The following TPST2 variants were observed in gnomAD, a reference collection of about 807,000 sequenced individuals.
TPST2 encodes the protein tyrosylprotein sulfotransferase 2.
Under a neutral mutation model 27.8 loss-of-function variants are expected in TPST2, and 16 were observed. The observed-to-expected ratio is 0.58, with a 90% confidence interval of 0.39 to 0.88. The LOEUF (loss-of-function observed/expected upper bound fraction) is 0.88. Ranked by LOEUF, TPST2 falls within the 40% of genes least tolerant of loss-of-function variation. The probability of loss-of-function intolerance (pLI) is 0.00; values close to 1 mark genes in which losing one functional copy is unlikely to be tolerated. For missense variants in TPST2, 464 were observed against 543.1 expected (o/e 0.85, Z 1.45); for synonymous variants, 229 against 231.7 (o/e 0.99, Z 0.10).
At chr22:26,526,476 C>T (rs1424868187) in intron 6 of TPST2, among the ~76,000 whole-genome samples, 1 of 152,144 alleles carries the variant, frequency 6.6e-6, no homozygotes, top group African/African-American at 2.4e-5. Flanking sequence ...ATCCACTTGA[C>T]CTCAAATATA....
intron 1 of TPST2, among the ~76,000 whole-genome samples, chr22:26,549,893 C>T (rs1437929399): frequency 4.2e-5 from 6 of 144,098 alleles, no homozygotes; most frequent in Non-Finnish European, 9.1e-5. Flanking sequence ...AAAAAATTAG[C>T]CGGGTGTGGG....
intron 1 of TPST2, chr22:26,565,805 A>G (rs1268653298): frequency 2.0e-5 from 3 of 152,166 alleles, no homozygotes; most frequent in African/African-American, 7.2e-5. Context: ...GATAGTTTAT[A>G]GTCTTTTTTT....
intron 1 of TPST2, among the ~76,000 whole-genome samples, chr22:26,553,331 A>T (rs1282387180): frequency 6.6e-6 from 1 of 151,906 alleles, no homozygotes; most frequent in Non-Finnish European, 1.5e-5. Flanking sequence ...GTCTGTTGCC[A>T]CGTAAGGACT....
rs939253513 is a variant in TPST2, at chr22:26,541,668, C to T, written c.-38G>A. ...GCAGGGTAGGCCTGGCCTGAGGGCCCGCTTCTGGGGCTTCAGCGACAGGTT... is the reference window on the plus strand; with the variant it reads ...GCAGGGTAGGCCTGGCCTGAGGGCCTGCTTCTGGGGCTTCAGCGACAGGTT... On this transcript the variant is annotated 5_prime_UTR_variant, in exon 3 of 7. Transcript: ENST00000338754. The surrounding 1 kb of genome is among the most constrained non-coding windows in gnomAD (Gnocchi z 5.9). 4.2e-5 allele frequency: 64 copies of T among 1,519,370 alleles called. No homozygotes were observed. The highest frequency in any genetic ancestry group is 5.1e-5 in the Non-Finnish European group (58 of 1,140,720). The allele number at this position is 1,519,370 out of a possible 1,614,324, so 94.1% of individuals were successfully genotyped here.
intron 1 of TPST2, among the ~76,000 whole-genome samples, chr22:26,566,782 A>T (rs1052408827): frequency 6.6e-6 from 1 of 151,788 alleles, no homozygotes; most frequent in African/African-American, 2.4e-5. Flanking sequence ...CAAACAAACA[A>T]ACAAACTCCT....
intron 1 of TPST2, among the ~76,000 whole-genome samples, chr22:26,554,034 TGGAGGG>T (rs1172273948): frequency 6.6e-6 from 1 of 152,222 alleles, no homozygotes; most frequent in East Asian, 1.9e-4. Context: ...ATGACAGGCT[TGGAGGG>T]TAGGCACTAT....
intron 3 of TPST2, among the ~76,000 whole-genome samples, chr22:26,538,369 C>A (rs375055736): frequency 2.3e-4 from 35 of 152,166 alleles, no homozygotes; most frequent in African/African-American, 7.5e-4. Flanking sequence ...GTCTCTAGGA[C>A]TTTATGGTGC....
Position 26,541,140 on chromosome 22 carries a change from TTGAGCGTAAATGGGTC to T in TPST2, c.475_490del (p.Asp159SerfsTer17). 1 of 1,607,820 alleles carries T rather than the reference TTGAGCGTAAATGGGTC, an allele frequency of 6.2e-7. No individual in the cohort carries two copies. The highest frequency in any genetic ancestry group is 8.5e-7 in the Non-Finnish European group (1 of 1,175,778). ...CAGGCGCGACAGGTAGACCGAGGACTTGAGCGTAAATGGGTCCTTGTTGCAGAGCACGCGGGCCGGC... is the reference window on the plus strand; with the variant it reads ...CAGGCGCGACAGGTAGACCGAGGACTCTTGTTGCAGAGCACGCGGGCCGGC... On this transcript the variant is annotated frameshift_variant, in exon 3 of 7. Coordinates refer to ENST00000338754, the MANE Select transcript of TPST2 (RefSeq NM_003595.5). LOFTEE classifies it high-confidence loss of function. This position sits in a 1 kb window ranked among gnomAD's most constrained non-coding sequence, Gnocchi z 5.9.
chr22:26,559,686 C>T (rs1056270322), intron 1 of TPST2, among the ~76,000 whole-genome samples: 26 of 152,336 alleles, frequency 1.7e-4, no homozygotes, highest in African/African-American at 6.3e-4. Flanking sequence ...CCACTTAGCA[C>T]ACTCTGTTCA....
At chr22:26,582,626 C>T (rs780041806) in intron 1 of TPST2, among the ~76,000 whole-genome samples, 3 of 152,130 alleles carry the variant, frequency 2.0e-5, no homozygotes, top group East Asian at 1.9e-4. Context: ...ACTAGGACCT[C>T]GTTGCTTCTT....
chr22:26,549,870 A>AG (rs1322315729), intron 1 of TPST2, among the ~76,000 whole-genome samples: 1 of 144,728 alleles, frequency 6.9e-6, no homozygotes, highest in Admixed American at 7.0e-5. Context: ...TCTCTACTAA[A>AG]AAAAAAAAAA....
Position 26,574,643 on chromosome 22 carries a change from C to T in TPST2, c.-161+15410G>A, listed in dbSNP as rs8140831. ...CCTCATTATCTGCTTTTCTCCTGGG[C>T]TCCCCTCATGCCCAGTCCTAAGTAG... On this transcript the variant is annotated intron_variant, in intron 1 of 6. Coordinates refer to ENST00000338754, the MANE Select transcript of TPST2 (RefSeq NM_003595.5). Among the ~76,000 whole-genome samples, 691 of 152,260 alleles carry T rather than the reference C, an allele frequency of 4.5e-3. 4 individuals carry two copies. The highest frequency in any genetic ancestry group is 0.015 in the African/African-American group (640 of 41,530).
intron 1 of TPST2, chr22:26,561,095 T>C (rs1927064049): frequency 3.1e-6 from 5 of 1,606,346 alleles, no homozygotes; most frequent in South Asian, 2.2e-5. Context: ...AGGAGGAAGA[T>C]GAGGAAGATG....
intron 1 of TPST2, among the ~76,000 whole-genome samples, chr22:26,562,119 C>A (rs1169998763): frequency 6.6e-6 from 1 of 152,220 alleles, no homozygotes; most frequent in East Asian, 1.9e-4. Context: ...CCAGGAGGCC[C>A]AGCGGCCCGG....
chr22:26,547,510 T>G (rs1163153028), intron 1 of TPST2: 2 of 152,150 alleles, frequency 1.3e-5, no homozygotes, highest in Non-Finnish European at 2.9e-5. Flanking sequence ...ATCAGCCCAG[T>G]CAGGCAGGTG....
At chr22:26,569,441 G>A (rs1569193483) in intron 1 of TPST2, among the ~76,000 whole-genome samples, 1 of 152,152 alleles carries the variant, frequency 6.6e-6, no homozygotes, top group African/African-American at 2.4e-5. Flanking sequence ...AGCTGTATGC[G>A]TATGAAATAT....
chr22:26,571,527 C>A (rs145040018), intron 1 of TPST2, among the ~76,000 whole-genome samples: 7 of 152,060 alleles, frequency 4.6e-5, no homozygotes, highest in African/African-American at 1.7e-4. Flanking sequence ...GCTCTGTTTC[C>A]GGAGCATTGC....
intron 1 of TPST2, among the ~76,000 whole-genome samples, chr22:26,578,658 C>A (rs779874492): frequency 1.3e-5 from 2 of 152,058 alleles, no homozygotes; most frequent in Non-Finnish European, 2.9e-5. Context: ...GGTGTCTACA[C>A]AACAACCGCT....
At chr22:26,534,427 C>T (rs968819398) in intron 4 of TPST2, among the ~76,000 whole-genome samples, 1 of 152,220 alleles carries the variant, frequency 6.6e-6, no homozygotes, top group Non-Finnish European at 1.5e-5. Context: ...AAATGAGAGA[C>T]AGCTTCCATT....
Sources: gnomAD v4.1 joint callset for allele counts (sites outside exome capture counted in the v4.1 genomes callset) on GRCh38, gnomAD v4.1.1 for gene constraint, Gnocchi (gnomAD v3.1) non-coding constraint, MANE v1.5 for transcripts, NCBI Gene and HGNC (gene_info 2026-07-23, HGNC 2026-07-21) for gene names.